NEMP2: variants seen among roughly 807,000 people sequenced by gnomAD.
NEMP2 encodes the protein UPF0571 transmembrane protein.
In NEMP2, 53 loss-of-function variants were observed where a neutral mutation model predicts 54.2. That is an observed-to-expected ratio of 0.98 (90% CI 0.78 to 1.23). The LOEUF (loss-of-function observed/expected upper bound fraction) is 1.23, where lower values mean the gene tolerates loss of function less well. Ranked by LOEUF, NEMP2 falls within the 50% of genes most tolerant of loss-of-function variation. The pLI is 0.00. For synonymous variants in NEMP2, 197 were observed against 190.3 expected (o/e 1.04, Z -0.29); for missense variants, 455 against 511.3 (o/e 0.89, Z 1.06).
chr2:190,541,232 A>ACTACTT, the NEMP2 span, among the ~76,000 whole-genome samples: 2 of 151,668 alleles, frequency 1.3e-5, no homozygotes, highest in Admixed American at 1.3e-4. The surrounding 1 kb of genome is among the most constrained non-coding windows in gnomAD (Gnocchi z 5.2). Flanking sequence ...TCTGATATTT[A>ACTACTT]CTACTTCTGT....
the NEMP2 span, among the ~76,000 whole-genome samples, chr2:190,577,245 A>AT: frequency 1.3e-5 from 2 of 152,036 alleles, no homozygotes; most frequent in African/African-American, 2.4e-5. The surrounding 1 kb of genome is among the most constrained non-coding windows in gnomAD (Gnocchi z 4.8). Context: ...GACTTACTCA[A>AT]TTTTTTTTAA....
the NEMP2 span, among the ~76,000 whole-genome samples, chr2:190,561,018 G>A: frequency 2.6e-5 from 4 of 152,148 alleles, no homozygotes; most frequent in South Asian, 2.1e-4. The surrounding 1 kb of genome is among the most constrained non-coding windows in gnomAD (Gnocchi z 5.4). Flanking sequence ...AATATTTCAC[G>A]TGGAGCAGAG....
At position 190,528,705 on chromosome 2, in the gene NEMP2, T is replaced by C. The variant is rs1398727166; in HGVS notation, c.98-3327A>G. ...AATCAACTCTCATAGAACAGTTCCC[T>C]TTTGTTAATGGTCTGAGGAAATAAC... On this transcript the variant is annotated intron_variant, in intron 1 of 8. Coordinates refer to ENST00000409150, the MANE Select transcript of NEMP2 (RefSeq NM_001142645.2). This position sits in a 1 kb window ranked among gnomAD's most constrained non-coding sequence, Gnocchi z 4.3. Among the ~76,000 whole-genome samples, 1 of 152,190 alleles carries C rather than the reference T, an allele frequency of 6.6e-6. No individual in the cohort carries two copies. The highest frequency in any genetic ancestry group is 1.5e-5 in the Non-Finnish European group (1 of 68,018).
the NEMP2 span, among the ~76,000 whole-genome samples, chr2:190,473,877 A>G: frequency 6.6e-6 from 1 of 152,036 alleles, no homozygotes; most frequent in African/African-American, 2.4e-5. Flanking sequence ...CTCAGACCAC[A>G]GTGCAATCAA....
chr2:190,431,576 G>A, the NEMP2 span, among the ~76,000 whole-genome samples: 4 of 152,210 alleles, frequency 2.6e-5, 1 homozygote, highest in East Asian at 5.8e-4. This position sits in a 1 kb window ranked among gnomAD's most constrained non-coding sequence, Gnocchi z 4.4. Flanking sequence ...GTGGCGGCGC[G>A]CGCCTGCAAT....
At chr2:190,591,906 A>C in the NEMP2 span, among the ~76,000 whole-genome samples, 280 of 152,346 alleles carry the variant, frequency 1.8e-3, no homozygotes, top group African/African-American at 5.7e-3. The surrounding 1 kb of genome is among the most constrained non-coding windows in gnomAD (Gnocchi z 5.4). Flanking sequence ...TGCCCATGAA[A>C]AACTAGCAGG....
the NEMP2 span, among the ~76,000 whole-genome samples, chr2:190,579,264 T>G: frequency 6.6e-6 from 1 of 151,392 alleles, no homozygotes; most frequent in Non-Finnish European, 1.5e-5. Flanking sequence ...ATAACTGCAA[T>G]GAATACATAA....
chr2:190,496,864 G>A, the NEMP2 span, among the ~76,000 whole-genome samples: 1 of 152,170 alleles, frequency 6.6e-6, no homozygotes, highest in Non-Finnish European at 1.5e-5. The surrounding 1 kb of genome is among the most constrained non-coding windows in gnomAD (Gnocchi z 4.7). Flanking sequence ...AGGCTATGAG[G>A]ATGCAAAGGC....
At chr2:190,487,113 C>T in the NEMP2 span, among the ~76,000 whole-genome samples, 1 of 152,022 alleles carries the variant, frequency 6.6e-6, no homozygotes. The surrounding 1 kb of genome is among the most constrained non-coding windows in gnomAD (Gnocchi z 5.5). Flanking sequence ...GAGGCTGAGG[C>T]AGGTGGATCA....
rs1690717451 is a variant in NEMP2, at chr2:190,520,478, C to T, written c.214-1295G>A. On this transcript the variant is annotated intron_variant, in intron 2 of 8. Coordinates refer to ENST00000409150, the MANE Select transcript of NEMP2 (RefSeq NM_001142645.2). The surrounding 1 kb of genome is among the most constrained non-coding windows in gnomAD (Gnocchi z 5.4). Reference sequence around the variant, plus strand: ...GCAACCCTGAAAAGGGGAGTAAGAGCACCAGCTTTGAATCTCAGGCATCAG... The same window carrying T: ...GCAACCCTGAAAAGGGGAGTAAGAGTACCAGCTTTGAATCTCAGGCATCAG... 2.6e-5 allele frequency among the ~76,000 whole-genome samples: 4 copies of T among 152,218 alleles called. No homozygotes were observed. Among genetic ancestry groups the T allele is most frequent in the East Asian group, 1.9e-4 (1 of 5,202 alleles).
chr2:190,516,262 T>G lies in NEMP2; in HGVS notation c.727+8A>C. The G allele has an allele frequency of 6.5e-7, 1 of 1,534,552 alleles. No homozygotes were observed. The highest frequency in any genetic ancestry group is 2.5e-5 in the East Asian group (1 of 40,814). ...ATCACAGAGCATATTGTTTTTCTAT[T>G]TACCTACCTAATACATATATCCTGT... On this transcript the variant is annotated splice_region_variant and intron_variant, in intron 6 of 8. Coordinates refer to ENST00000409150, the MANE Select transcript of NEMP2 (RefSeq NM_001142645.2).
chr2:190,559,487 C>CA, the NEMP2 span, among the ~76,000 whole-genome samples: 2 of 152,006 alleles, frequency 1.3e-5, no homozygotes, highest in African/African-American at 4.8e-5. The surrounding 1 kb of genome is among the most constrained non-coding windows in gnomAD (Gnocchi z 4.0). Context: ...AAGGAGAGAA[C>CA]AGAGAGAACC....
chr2:190,648,690 C>G, the NEMP2 span, among the ~76,000 whole-genome samples: 1 of 151,520 alleles, frequency 6.6e-6, no homozygotes, highest in Non-Finnish European at 1.5e-5. Flanking sequence ...GTTCCCCACC[C>G]GTCTCCCTCT....
chr2:190,612,864 T>C, the NEMP2 span, among the ~76,000 whole-genome samples: 3 of 152,178 alleles, frequency 2.0e-5, no homozygotes, highest in African/African-American at 4.8e-5. Flanking sequence ...ACAAAAATTA[T>C]TTACCCTTTA....
the NEMP2 span, among the ~76,000 whole-genome samples, chr2:190,576,424 GAAGAGAGTACTT>G: frequency 6.6e-6 from 1 of 152,204 alleles, no homozygotes; most frequent in Admixed American, 6.5e-5. Flanking sequence ...TTTGTTGATG[GAAGAGAGTACTT>G]AAGCTAATAA....
chr2:190,422,888 CT>C, the NEMP2 span, among the ~76,000 whole-genome samples: 8 of 151,018 alleles, frequency 5.3e-5, no homozygotes, highest in East Asian at 1.9e-4. Context: ...CTACTTTCAT[CT>C]TTTTTTTTCT....
chr2:190,427,372 T>C, the NEMP2 span, among the ~76,000 whole-genome samples: 1 of 152,148 alleles, frequency 6.6e-6, no homozygotes, highest in African/African-American at 2.4e-5. Flanking sequence ...GGAGTGGGAA[T>C]AGGGTTATGA....
chr2:190,486,715 AG>A, the NEMP2 span, among the ~76,000 whole-genome samples: 1 of 152,224 alleles, frequency 6.6e-6, no homozygotes, highest in African/African-American at 2.4e-5. Flanking sequence ...AAATTTTAAA[AG>A]AATTTTGATC....
chr2:190,543,579 T>C, the NEMP2 span, among the ~76,000 whole-genome samples: 2 of 152,168 alleles, frequency 1.3e-5, no homozygotes, highest in Non-Finnish European at 2.9e-5. The surrounding 1 kb of genome is among the most constrained non-coding windows in gnomAD (Gnocchi z 4.7). Context: ...AATATGTAAG[T>C]TCAATTCTCT....
Sources: gnomAD v4.1 joint callset for allele counts (sites outside exome capture counted in the v4.1 genomes callset) on GRCh38, gnomAD v4.1.1 for gene constraint, Gnocchi (gnomAD v3.1) non-coding constraint, MANE v1.5 for transcripts, NCBI Gene and HGNC (gene_info 2026-07-23, HGNC 2026-07-21) for gene names.